Variants in WWOX observed in about 807,000 individuals in gnomAD.
WWOX encodes WW domain-containing oxidoreductase.
Under a neutral mutation model 46.2 loss-of-function variants are expected in WWOX, and 69 were observed. The observed-to-expected ratio is 1.49, with a 90% CI of 1.23 to 1.82. The LOEUF (loss-of-function observed/expected upper bound fraction) is 1.82, where lower values mean the gene tolerates loss of function less well. Among genes scored for constraint, WWOX ranks in the 40% most tolerant of loss-of-function variants. The pLI, the probability that WWOX is intolerant of heterozygous loss-of-function variation, is 0.00. For synonymous variants in WWOX, 359 were observed against 202.6 expected (o/e 1.77, Z -6.56); for missense variants, 919 against 542.6 (o/e 1.69, Z -6.89).
intron 8 of WWOX, among the ~76,000 whole-genome samples, chr16:79,042,584 C>T (rs1370998277): frequency 6.6e-6 from 1 of 152,260 alleles, no homozygotes; most frequent in Admixed American, 6.5e-5. Context: ...TATAATGCAG[C>T]ATGGAAATTT....
intron 8 of WWOX, among the ~76,000 whole-genome samples, chr16:78,464,854 T>C (rs943367482): frequency 3.9e-5 from 6 of 152,136 alleles, no homozygotes; most frequent in Admixed American, 6.5e-5. Flanking sequence ...ATAAAACATA[T>C]TACTCCATTC....
At chr16:78,981,531 G>T (rs1164564454) in intron 8 of WWOX, among the ~76,000 whole-genome samples, 1 of 151,836 alleles carries the variant, frequency 6.6e-6, no homozygotes, top group African/African-American at 2.4e-5. Context: ...TCCACTTTCC[G>T]GGTTCAGGTG....
intron 3 of WWOX, among the ~76,000 whole-genome samples, chr16:78,112,419 C>T (rs1006769845): frequency 6.6e-6 from 1 of 152,050 alleles, no homozygotes; most frequent in African/African-American, 2.4e-5. Flanking sequence ...GTTCAAATGA[C>T]ATGTGTGTTT....
At chr16:78,923,492 T>A (rs1597155999) in intron 8 of WWOX, among the ~76,000 whole-genome samples, 1 of 152,134 alleles carries the variant, frequency 6.6e-6, no homozygotes, top group Non-Finnish European at 1.5e-5. Flanking sequence ...TTTCTTGGGA[T>A]TGGGAGTCAG....
At chr16:78,530,681 A>G (rs1211989565) in intron 8 of WWOX, among the ~76,000 whole-genome samples, 45 of 152,174 alleles carry the variant, frequency 3.0e-4, no homozygotes, top group Non-Finnish European at 1.5e-5. Flanking sequence ...TCCAGGCTTG[A>G]GGATGGGGCC....
chr16:78,965,512 G>A (rs1038427096), intron 8 of WWOX, among the ~76,000 whole-genome samples: 2 of 151,722 alleles, frequency 1.3e-5, no homozygotes, highest in African/African-American at 4.8e-5. Flanking sequence ...AGCGGTTGCA[G>A]TGAGCCGAGA....
At chr16:78,177,758 T>C (rs1412403135) in intron 5 of WWOX, among the ~76,000 whole-genome samples, 2 of 152,168 alleles carry the variant, frequency 1.3e-5, no homozygotes, top group East Asian at 1.9e-4. Flanking sequence ...GTGACTGAGA[T>C]AGACAGACAT....
intron 5 of WWOX, among the ~76,000 whole-genome samples, chr16:78,335,438 C>G (rs1036049860): frequency 2.0e-5 from 3 of 152,172 alleles, no homozygotes; most frequent in Non-Finnish European, 4.4e-5. Flanking sequence ...CCATCCATGT[C>G]CCTGCAGAGG....
intron 8 of WWOX, among the ~76,000 whole-genome samples, chr16:78,844,757 C>T (rs2052253425): frequency 6.6e-6 from 1 of 152,218 alleles, no homozygotes; most frequent in African/African-American, 2.4e-5. Context: ...CCAGTGCCAT[C>T]CTCCTTTTTT....
intron 5 of WWOX, among the ~76,000 whole-genome samples, chr16:78,205,827 ACCTT>A (rs545936818): frequency 6.9e-4 from 100 of 144,946 alleles, no homozygotes; most frequent in Admixed American, 1.0e-3. Flanking sequence ...CTTCCTTCCT[ACCTT>A]CCTTCCTTCC....
intron 8 of WWOX, among the ~76,000 whole-genome samples, chr16:79,109,469 T>G (rs1055691721): frequency 2.0e-5 from 3 of 152,180 alleles, no homozygotes; most frequent in South Asian, 2.1e-4. Flanking sequence ...CCGGGCAGGT[T>G]GGTTTTAAAT....
In WWOX at chr16:78,761,102, T is replaced by G. The variant is rs77400331; in HGVS notation, c.1056+328350T>G. 6.2e-4 allele frequency among the ~76,000 whole-genome samples: 94 copies of G among 152,248 alleles called. 1 individual carries two copies. Among genetic ancestry groups the G allele is most frequent in the Middle Eastern group, 6.8e-3 (2 of 294 alleles). ...GCTACAATTCAAGATGCGATTTGGG[T>G]GGGGACAGAGCCAAACCATATTACA... On this transcript the variant is annotated intron_variant, in intron 8 of 8. Transcript: ENST00000566780.
intron 8 of WWOX, among the ~76,000 whole-genome samples, chr16:78,940,506 A>G (rs915308535): frequency 5.9e-5 from 9 of 152,180 alleles, no homozygotes; most frequent in African/African-American, 1.9e-4. Context: ...TTTCGAAGTC[A>G]CATTTTTACA....
intron 5 of WWOX, among the ~76,000 whole-genome samples, chr16:78,187,647 G>A (rs1900637189): frequency 6.6e-6 from 1 of 152,196 alleles, no homozygotes; most frequent in Admixed American, 6.5e-5. Context: ...AAGGAGCTCA[G>A]TCTTTGAAGG....
chr16:78,266,788 T>TTCTCTCTCTTTC (rs767644576), intron 5 of WWOX, among the ~76,000 whole-genome samples: 1 of 115,532 alleles, frequency 8.7e-6, no homozygotes, highest in Non-Finnish European at 1.8e-5. Flanking sequence ...TATTCTTCTA[T>TTCTCTCTCTTTC]TCTCTCTCTC....
At chr16:79,000,588 A>G (rs79030012) in intron 8 of WWOX, among the ~76,000 whole-genome samples, 4,715 of 152,308 alleles carry the variant, frequency 0.031, 107 homozygotes, top group Non-Finnish European at 0.043. Flanking sequence ...GGCAGCGTCT[A>G]GAAGCCAGAA....
At chr16:78,746,496 A>C (rs1252887489) in intron 8 of WWOX, among the ~76,000 whole-genome samples, 1 of 152,008 alleles carries the variant, frequency 6.6e-6, no homozygotes. Flanking sequence ...AGGCCTGCTA[A>C]AGTGCATTGT....
intron 8 of WWOX, among the ~76,000 whole-genome samples, chr16:78,921,839 C>G (rs371215408): frequency 9.2e-5 from 14 of 152,288 alleles, no homozygotes; most frequent in Non-Finnish European, 1.3e-4. Context: ...CAAACCCATC[C>G]TCATGGCTGA....
At chr16:78,710,472 T>TGATATATATATATATATATATATATA (rs1567507480) in intron 8 of WWOX, among the ~76,000 whole-genome samples, 1 of 29,510 alleles carries the variant, frequency 3.4e-5, no homozygotes, top group Admixed American at 3.7e-4. Context: ...CTAATGGATC[T>TGATATATATATATATATATATATATA]CATATATATA....
Sources: gnomAD v4.1 joint callset for allele counts (sites outside exome capture counted in the v4.1 genomes callset) on GRCh38, gnomAD v4.1.1 for gene constraint, MANE v1.5 for transcripts, NCBI Gene and HGNC (gene_info 2026-07-23, HGNC 2026-07-21) for gene names.